The following PALLD variants were observed in gnomAD, a reference collection of about 807,000 sequenced individuals.
The protein encoded by PALLD is palladin, cytoskeletal associated protein, also known as palladin.
A neutral mutation model predicts 123.5 loss-of-function variants in PALLD; 61 were observed. That is an observed-to-expected ratio of 0.49 (90% CI 0.40 to 0.61). The LOEUF is 0.61. PALLD is among the 20% of genes least tolerant of loss of function. The pLI is 0.00. For missense variants in PALLD, 1,273 were observed against 1,377.0 expected, an observed-to-expected ratio of 0.92 and a Z score of 1.20; for synonymous variants, 465 against 496.4, an observed-to-expected ratio of 0.94 and a Z score of 0.84.
chr4:168,750,749 C>T (rs142281760), intron 10 of PALLD, among the ~76,000 whole-genome samples: 2 of 152,292 alleles, frequency 1.3e-5, no homozygotes, highest in East Asian at 1.9e-4. Flanking sequence ...CTGTGGCCTC[C>T]TGTCCCCATC....
At chr4:168,886,987 C>T (rs754930521) in intron 10 of PALLD, among the ~76,000 whole-genome samples, 17 of 151,848 alleles carry the variant, frequency 1.1e-4, no homozygotes, top group Admixed American at 2.0e-4. Flanking sequence ...CGTGGTGGCT[C>T]ATGCCTGTAA....
In PALLD at chr4:168,755,214, G is replaced by A. The variant is rs568544436; in HGVS notation, c.1964+43291G>A. On this transcript the variant is annotated intron_variant, in intron 10 of 21. Coordinates refer to ENST00000505667, the MANE Select transcript of PALLD (RefSeq NM_001166108.2). ...CACCACTGCACTCCAGCCTGGGCGA[G>A]AGAGCAAGACTCCGTCTCAAAAAAA... Among the ~76,000 whole-genome samples the A allele has an allele frequency of 7.0e-4, 98 of 140,300 alleles. 1 individual carries two copies. The highest frequency in any genetic ancestry group is 2.0e-4 in the Non-Finnish European group (13 of 65,982). The allele number at this position is 140,300 out of a possible 152,430, so 92.0% of individuals were successfully genotyped here. A position where few individuals can be genotyped will look rare whatever the true frequency, so the allele number is the denominator to read the frequency against.
chr4:168,623,673 C>T (rs114675662), intron 2 of PALLD, among the ~76,000 whole-genome samples: 13 of 152,096 alleles, frequency 8.5e-5, no homozygotes, highest in Admixed American at 2.0e-4. Context: ...AAAGGCATAC[C>T]GGGCAAACGG....
intron 10 of PALLD, among the ~76,000 whole-genome samples, chr4:168,782,322 A>G (rs1736040641): frequency 6.6e-6 from 1 of 152,236 alleles, no homozygotes; most frequent in South Asian, 2.1e-4. Flanking sequence ...ATCCCAAACC[A>G]TAGGTAGATG....
chr4:168,515,633 A>C (rs1202279621), intron 2 of PALLD, among the ~76,000 whole-genome samples: 3 of 152,208 alleles, frequency 2.0e-5, no homozygotes, highest in African/African-American at 7.2e-5. Flanking sequence ...AGGCTGACTT[A>C]TAGGGAATGC....
At chr4:168,904,891 C>G (rs1757304343) in intron 15 of PALLD, among the ~76,000 whole-genome samples, 1 of 152,040 alleles carries the variant, frequency 6.6e-6, no homozygotes, top group African/African-American at 2.4e-5. Context: ...CTTTGGGAGG[C>G]TGAGGCAGGT....
chr4:168,570,351 C>T (rs1768850749), intron 2 of PALLD, among the ~76,000 whole-genome samples: 1 of 152,124 alleles, frequency 6.6e-6, no homozygotes, highest in African/African-American at 2.4e-5. Flanking sequence ...AGAATTTTGT[C>T]CTAGAAGTGG....
At chr4:168,614,622 C>T (rs977773522) in intron 2 of PALLD, among the ~76,000 whole-genome samples, 2 of 152,152 alleles carry the variant, frequency 1.3e-5, no homozygotes, top group African/African-American at 4.8e-5. Context: ...GCATAGTGGA[C>T]TCTCAGTGCT....
chr4:168,898,347 A>C (rs1237309897), intron 13 of PALLD, 146 bp from the exon 14 acceptor site: 2 of 679,548 alleles, frequency 2.9e-6, no homozygotes, highest in Non-Finnish European at 5.4e-6. Context: ...TTTGTTTCAT[A>C]TGCAATTGAA....
At chr4:168,627,934 C>T (rs527320402) in intron 2 of PALLD, among the ~76,000 whole-genome samples, 1 of 152,218 alleles carries the variant, frequency 6.6e-6, no homozygotes, top group Non-Finnish European at 1.5e-5. Context: ...TCACTTTTCA[C>T]CTATCAGACT....
intron 8 of PALLD, among the ~76,000 whole-genome samples, chr4:168,696,122 C>T (rs967470001): frequency 6.6e-6 from 1 of 152,108 alleles, no homozygotes; most frequent in Admixed American, 6.5e-5. Flanking sequence ...CCACATGTGG[C>T]TCAGAGGCCA....
chr4:168,769,529 C>G (rs1398431284), intron 10 of PALLD, among the ~76,000 whole-genome samples: 1 of 152,156 alleles, frequency 6.6e-6, no homozygotes, highest in Non-Finnish European at 1.5e-5. Context: ...CTGGCGTTAC[C>G]CTTTTGAACT....
chr4:168,920,077 G>A (rs1184062612), intron 17 of PALLD, among the ~76,000 whole-genome samples: 3 of 152,222 alleles, frequency 2.0e-5, no homozygotes, highest in South Asian at 2.1e-4. Flanking sequence ...AAGCAGTGCC[G>A]CTTTGTTTCT....
intron 2 of PALLD, among the ~76,000 whole-genome samples, chr4:168,628,027 T>C (rs1245226364): frequency 6.6e-6 from 1 of 152,198 alleles, no homozygotes; most frequent in Non-Finnish European, 1.5e-5. Context: ...CTAGTGGAAG[T>C]GTAAATTGGT....
At chr4:168,625,905 T>C (rs1245747929) in intron 2 of PALLD, among the ~76,000 whole-genome samples, 1 of 152,100 alleles carries the variant, frequency 6.6e-6, no homozygotes, top group South Asian at 2.1e-4. Flanking sequence ...CAAAAAGATA[T>C]TTGCTCATCC....
At chr4:168,782,870 G>T (rs1033094694) in intron 10 of PALLD, among the ~76,000 whole-genome samples, 1 of 151,918 alleles carries the variant, frequency 6.6e-6, no homozygotes, top group East Asian at 1.9e-4. Flanking sequence ...AGCCGAGATC[G>T]CACCACTGCA....
At chr4:168,834,458 G>A (rs1001652423) in intron 10 of PALLD, among the ~76,000 whole-genome samples, 1 of 152,058 alleles carries the variant, frequency 6.6e-6, no homozygotes, top group Non-Finnish European at 1.5e-5. Context: ...GTAACAATAG[G>A]CCGGGCATAG....
rs1394081020 is a variant in PALLD, at chr4:168,877,989, G to A, written c.1965-12933G>A. On this transcript the variant is annotated intron_variant, in intron 10 of 21. Transcript: ENST00000505667. ...CAGTTCATCGCCGCGCAGAACCTCG[G>A]GCCCGCGTCGGGCCACGGCACGCCG... 1 of 1,499,754 alleles carries A rather than the reference G, an allele frequency of 6.7e-7. No homozygotes were observed. Among genetic ancestry groups the A allele is most frequent in the Non-Finnish European group, 8.8e-7 (1 of 1,130,232 alleles). The allele number at this position is 1,499,754 out of a possible 1,614,324, so 92.9% of individuals were successfully genotyped here.
At chr4:168,499,782 C>T (rs917586803) in intron 1 of PALLD, among the ~76,000 whole-genome samples, 4 of 152,058 alleles carry the variant, frequency 2.6e-5, no homozygotes, top group Non-Finnish European at 5.9e-5. Flanking sequence ...TTAGCTATTC[C>T]ACCTGGACTC....
Sources: allele counts gnomAD v4.1 joint callset (sites outside exome capture counted in the v4.1 genomes callset), GRCh38; gene constraint gnomAD v4.1.1; transcripts MANE v1.5; gene names NCBI Gene and HGNC (gene_info 2026-07-23, HGNC 2026-07-21).